Variants in ITGB5 observed in about 807,000 individuals in gnomAD.
ITGB5 encodes the protein integrin beta-5.
In ITGB5, 38 loss-of-function variants were observed where a neutral mutation model predicts 84.8. The observed-to-expected ratio is 0.45, with a 90% CI of 0.35 to 0.59. ITGB5 has a LOEUF of 0.59. Ranked by LOEUF, ITGB5 falls within the 20% of genes least tolerant of loss-of-function variation. ITGB5 has a pLI of 0.01. For synonymous variants in ITGB5, 393 were observed against 414.4 expected, an observed-to-expected ratio of 0.95 and a Z score of 0.63; for missense variants, 905 against 1,034.5, an observed-to-expected ratio of 0.87 and a Z score of 1.72.
At chr3:124,809,254 C>T (rs578205776) in intron 8 of ITGB5, 98 bp from the exon 9 acceptor site, 9 of 1,316,862 alleles carry the variant, frequency 6.8e-6, no homozygotes, top group African/African-American at 4.4e-5. Flanking sequence ...CTTCCTCTAA[C>T]TCAGGAATCC....
At chr3:124,847,049 T>C (rs933371943) in intron 4 of ITGB5, among the ~76,000 whole-genome samples, 17 of 152,242 alleles carry the variant, frequency 1.1e-4, no homozygotes, top group Non-Finnish European at 1.5e-5. Context: ...CCTCAGTTTC[T>C]GCATCTCTAA....
At chr3:124,809,985 GCATT>G (rs2064472827) in intron 8 of ITGB5, among the ~76,000 whole-genome samples, 3 of 152,112 alleles carry the variant, frequency 2.0e-5, no homozygotes, top group African/African-American at 7.2e-5. Flanking sequence ...CTCAGACCTA[GCATT>G]CACCCAGGAT....
chr3:124,814,401 T>C (rs573320847), intron 8 of ITGB5, among the ~76,000 whole-genome samples: 1 of 151,702 alleles, frequency 6.6e-6, no homozygotes, highest in East Asian at 1.9e-4. Context: ...CCAACACTCA[T>C]ATTATACACT....
chr3:124,771,748 C>CAAAAAAAAAAAAAA lies in ITGB5; in HGVS notation c.1916+1928_1916+1941dup, dbSNP rs59189728. On this transcript the variant is annotated intron_variant, in intron 11 of 14. Coordinates refer to ENST00000296181, the MANE Select transcript of ITGB5 (RefSeq NM_002213.5). ...GGGTGGCGGGAGTGAGACCCTGTCTCAAAAAAAAAAAAAAAAAAAGGAATC... is the reference window on the plus strand; with the variant it reads ...GGGTGGCGGGAGTGAGACCCTGTCTCAAAAAAAAAAAAAAAAAAAAAAAAAAAAAAAAAGGAATC... 2.3e-3 allele frequency among the ~76,000 whole-genome samples: 157 copies of CAAAAAAAAAAAAAA among 69,100 alleles called. 3 individuals are homozygous for CAAAAAAAAAAAAAA. The highest frequency in any genetic ancestry group is 6.4e-3 in the African/African-American group (121 of 18,814). The allele number at this position is 69,100 out of a possible 152,430, so 45.3% of individuals were successfully genotyped here. A position where few individuals can be genotyped will look rare whatever the true frequency, so the allele number is the denominator to read the frequency against.
intron 2 of ITGB5, among the ~76,000 whole-genome samples, chr3:124,871,229 C>G (rs1437199304): frequency 6.7e-6 from 1 of 149,992 alleles, no homozygotes; most frequent in Non-Finnish European, 1.5e-5. Context: ...GAGTCTCGCC[C>G]TGTTGCCCAG....
chr3:124,884,681 ACT>A (rs1178598391), intron 1 of ITGB5, among the ~76,000 whole-genome samples: 8 of 151,900 alleles, frequency 5.3e-5, no homozygotes, highest in African/African-American at 1.2e-4. Flanking sequence ...CAAGAGTGAG[ACT>A]CTGTCTCAAA....
At chr3:124,890,295 C>G (rs1221350365), upstream of ITGB5, among the ~76,000 whole-genome samples, 1 of 150,086 alleles carries the variant, frequency 6.7e-6, no homozygotes, top group Non-Finnish European at 1.5e-5. Context: ...CCTCTGCCTC[C>G]CAGGTTCAAG....
At chr3:124,803,816 A>G (rs2064353688) in intron 9 of ITGB5, among the ~76,000 whole-genome samples, 1 of 152,220 alleles carries the variant, frequency 6.6e-6, no homozygotes, top group Admixed American at 6.5e-5. Context: ...GGGCACCAAG[A>G]AGCCGGATAA....
intron 1 of ITGB5, among the ~76,000 whole-genome samples, chr3:124,895,151 T>A (rs1935077613): frequency 6.6e-6 from 1 of 152,150 alleles, no homozygotes; most frequent in African/African-American, 2.4e-5. Flanking sequence ...TACCTGAAGA[T>A]GGAAGAACCA....
chr3:124,782,905 G>C (rs935959944), intron 10 of ITGB5, among the ~76,000 whole-genome samples: 7 of 151,974 alleles, frequency 4.6e-5, no homozygotes, highest in Non-Finnish European at 1.0e-4. Context: ...TGGAGGAAAG[G>C]GGAGCTTGCA....
chr3:124,797,896 A>T (rs1265278815), intron 9 of ITGB5, among the ~76,000 whole-genome samples: 1 of 151,982 alleles, frequency 6.6e-6, no homozygotes, highest in Non-Finnish European at 1.5e-5. Context: ...CCCTGAACAG[A>T]CAGAGGCCCG....
In ITGB5 at chr3:124,796,826, A is replaced by C. The variant is rs1238883291; in HGVS notation, c.1264-9T>G. The C allele has an allele frequency of 3.2e-6, 5 of 1,583,200 alleles. No individual in the cohort carries two copies. The highest frequency in any genetic ancestry group is 2.2e-5 in the East Asian group (1 of 44,480). Reference sequence around the variant, plus strand: ...GATACTTCAAAAGATGCCTGGGCAGAAGGAAGAGAAGGGATATCATGGCTG... The same window carrying C: ...GATACTTCAAAAGATGCCTGGGCAGCAGGAAGAGAAGGGATATCATGGCTG... On this transcript the variant is annotated splice_polypyrimidine_tract_variant and intron_variant, in intron 9 of 14. Transcript: ENST00000296181.
At chr3:124,765,850 A>T (rs1178096160) in intron 13 of ITGB5, among the ~76,000 whole-genome samples, 1 of 152,146 alleles carries the variant, frequency 6.6e-6, no homozygotes, top group Non-Finnish European at 1.5e-5. Flanking sequence ...TGAGCCCAGG[A>T]GTTCGAGACC....
chr3:124,826,637 C>A (rs1579257890), intron 5 of ITGB5, among the ~76,000 whole-genome samples: 4 of 152,318 alleles, frequency 2.6e-5, no homozygotes. Flanking sequence ...GATGACCAAA[C>A]TCTTGCCCAC....
intron 5 of ITGB5, among the ~76,000 whole-genome samples, chr3:124,834,015 C>T (rs1283728179): frequency 1.3e-5 from 2 of 152,164 alleles, no homozygotes; most frequent in Admixed American, 1.3e-4. Context: ...AAGCTGAAAT[C>T]TGAAACACAA....
intron 8 of ITGB5, among the ~76,000 whole-genome samples, chr3:124,812,032 C>G (rs1228035349): frequency 1.3e-5 from 2 of 152,154 alleles, no homozygotes; most frequent in African/African-American, 4.8e-5. Flanking sequence ...AAGAGATCAT[C>G]AGGTTGTATC....
chr3:124,841,869 T>C (rs1579281449), intron 4 of ITGB5, among the ~76,000 whole-genome samples: 2 of 152,202 alleles, frequency 1.3e-5, no homozygotes, highest in African/African-American at 4.8e-5. Context: ...CATTGAAAGG[T>C]ATGTGGGACC....
chr3:124,852,168 T>G (rs1277773340), intron 3 of ITGB5, among the ~76,000 whole-genome samples: 1 of 152,104 alleles, frequency 6.6e-6, no homozygotes, highest in African/African-American at 2.4e-5. Context: ...CTTCTCGCCT[T>G]TAATTTGCCT....
chr3:124,790,551 C>CT (rs1336274068), intron 10 of ITGB5, among the ~76,000 whole-genome samples: 1 of 152,206 alleles, frequency 6.6e-6, no homozygotes, highest in Non-Finnish European at 1.5e-5. Context: ...ACAGAACTGC[C>CT]TTTGACTAGA....
Sources: allele counts gnomAD v4.1 joint callset (sites outside exome capture counted in the v4.1 genomes callset), GRCh38; gene constraint gnomAD v4.1.1; transcripts MANE v1.5; gene names NCBI Gene and HGNC (gene_info 2026-07-23, HGNC 2026-07-21).